The following CCDC91 variants were observed in gnomAD, a reference collection of about 807,000 sequenced individuals.
CCDC91 encodes coiled-coil domain-containing protein 91.
CCDC91 carries 48 observed loss-of-function variants against 63.2 expected under a neutral mutation model. The ratio of observed to expected loss-of-function variants is 0.76; its 90% confidence interval spans 0.60 to 0.97. CCDC91 has a LOEUF of 0.97. CCDC91 is among the 50% of genes least tolerant of loss of function. The probability of loss-of-function intolerance (pLI) is 0.00; values close to 1 mark genes in which losing one functional copy is unlikely to be tolerated. For missense variants in CCDC91, 500 were observed against 494.6 expected, an observed-to-expected ratio of 1.01 and a Z score of -0.10; for synonymous variants, 167 against 165.8, an observed-to-expected ratio of 1.01 and a Z score of -0.06.
At chr12:28,375,720 G>C (rs1944903453) in intron 7 of CCDC91, among the ~76,000 whole-genome samples, 1 of 151,872 alleles carries the variant, frequency 6.6e-6, no homozygotes, top group South Asian at 2.1e-4. Context: ...ATCGAAGATT[G>C]TTTACTGCAA....
intron 8 of CCDC91, 42 bp downstream of exon 8, chr12:28,391,453 C>G (rs995789537): frequency 1.7e-6 from 2 of 1,186,426 alleles, no homozygotes; most frequent in Admixed American, 3.4e-5. Flanking sequence ...TACTTTTCCC[C>G]TGACTCTCTC....
intron 1 of CCDC91, among the ~76,000 whole-genome samples, chr12:28,203,450 G>A (rs1484135162): frequency 6.6e-6 from 1 of 152,074 alleles, no homozygotes; most frequent in Non-Finnish European, 1.5e-5. Context: ...CCACCACTTT[G>A]CTTCATGTTT....
At chr12:28,453,371 C>G (rs11049618) in intron 11 of CCDC91, among the ~76,000 whole-genome samples, 31,096 of 151,806 alleles carry the variant, frequency 0.2, 4,177 homozygotes, top group Non-Finnish European at 0.3. Context: ...CTAACATGTT[C>G]AAACTGTTAA....
chr12:28,324,363 G>T (rs1217381401), intron 6 of CCDC91, among the ~76,000 whole-genome samples: 2 of 151,740 alleles, frequency 1.3e-5, no homozygotes, highest in Admixed American at 1.3e-4. Flanking sequence ...CAGCAAAGTG[G>T]GGAGGGGGAC....
At chr12:28,521,499 A>G (rs529405806) in intron 12 of CCDC91, among the ~76,000 whole-genome samples, 19 of 152,326 alleles carry the variant, frequency 1.2e-4, no homozygotes, top group South Asian at 4.1e-4. Flanking sequence ...TTCTAGATAT[A>G]CAATCATGTC....
chr12:28,379,160 A>G (rs139717428), intron 7 of CCDC91, among the ~76,000 whole-genome samples: 21 of 152,144 alleles, frequency 1.4e-4, no homozygotes, highest in African/African-American at 4.8e-4. Flanking sequence ...AATTCCAAAG[A>G]TAAAAGACCT....
At chr12:28,411,589 AT>A (rs1464316809) in intron 8 of CCDC91, among the ~76,000 whole-genome samples, 4 of 152,142 alleles carry the variant, frequency 2.6e-5, no homozygotes, top group Admixed American at 2.6e-4. Flanking sequence ...AGAATTTACT[AT>A]GTTTTTACTC....
intron 8 of CCDC91, among the ~76,000 whole-genome samples, chr12:28,425,000 T>A (rs1402583984): frequency 6.6e-6 from 1 of 152,196 alleles, no homozygotes; most frequent in Non-Finnish European, 1.5e-5. Context: ...CCGCTTTTTC[T>A]AGTGGCATGT....
intron 1 of CCDC91, among the ~76,000 whole-genome samples, chr12:28,213,219 T>C (rs1943353420): frequency 6.6e-6 from 1 of 152,216 alleles, no homozygotes; most frequent in Non-Finnish European, 1.5e-5. Flanking sequence ...TGGCTTTCCC[T>C]GAGGAAGTTG....
chr12:28,524,829 G>A (rs1941112114), intron 12 of CCDC91, among the ~76,000 whole-genome samples: 2 of 134,754 alleles, frequency 1.5e-5, no homozygotes, highest in Non-Finnish European at 3.3e-5. Context: ...AGATAGGAGT[G>A]TTTGTCTTTC....
chr12:28,397,802 A>G (rs1356849642), intron 8 of CCDC91, among the ~76,000 whole-genome samples: 3 of 152,166 alleles, frequency 2.0e-5, no homozygotes, highest in Admixed American at 6.5e-5. Context: ...ACCAATACAC[A>G]TAAGATAGAG....
intron 6 of CCDC91, among the ~76,000 whole-genome samples, chr12:28,350,274 G>T (rs1378716091): frequency 6.6e-6 from 1 of 151,916 alleles, no homozygotes; most frequent in Non-Finnish European, 1.5e-5. Context: ...TTAAAGATCT[G>T]GTATTATTGC....
intron 11 of CCDC91, among the ~76,000 whole-genome samples, chr12:28,480,437 A>G (rs1016479425): frequency 1.8e-4 from 28 of 152,068 alleles, no homozygotes; most frequent in African/African-American, 6.8e-4. Flanking sequence ...TCACAAATAA[A>G]TTAGAAACTC....
At chr12:28,472,682 T>A (rs1341638511) in intron 11 of CCDC91, among the ~76,000 whole-genome samples, 2 of 152,190 alleles carry the variant, frequency 1.3e-5, no homozygotes, top group Non-Finnish European at 2.9e-5. Context: ...GCTAAATATT[T>A]ATAGTAATAA....
chr12:28,197,098 C>CA (rs1941824229), intron 1 of CCDC91, among the ~76,000 whole-genome samples: 1 of 152,098 alleles, frequency 6.6e-6, no homozygotes, highest in South Asian at 2.1e-4. Flanking sequence ...GATTATCACT[C>CA]AAAGTATATA....
chr12:28,443,543 T>C (rs1274694788), intron 8 of CCDC91, among the ~76,000 whole-genome samples: 1 of 152,040 alleles, frequency 6.6e-6, no homozygotes, highest in African/African-American at 2.4e-5. Context: ...GGTAAACTTC[T>C]GTAAGGTCTA....
intron 12 of CCDC91, among the ~76,000 whole-genome samples, chr12:28,498,010 G>A (rs1952402367): frequency 6.6e-6 from 1 of 151,486 alleles, no homozygotes; most frequent in Non-Finnish European, 1.5e-5. Flanking sequence ...GCTTAGCCAT[G>A]GAACTAAACA....
At chr12:28,506,642 T>C (rs959741859) in intron 12 of CCDC91, among the ~76,000 whole-genome samples, 1 of 151,978 alleles carries the variant, frequency 6.6e-6, no homozygotes, top group African/African-American at 2.4e-5. Flanking sequence ...CATTTAATGC[T>C]TATAACAGGG....
At chr12:28,284,388 C>G (rs577467414) in intron 3 of CCDC91, among the ~76,000 whole-genome samples, 1 of 152,126 alleles carries the variant, frequency 6.6e-6, no homozygotes, top group Non-Finnish European at 1.5e-5. Context: ...CATAGTGGCT[C>G]ATGCCTGTAA....
Sources: allele counts gnomAD v4.1 joint callset (sites outside exome capture counted in the v4.1 genomes callset), GRCh38; gene constraint gnomAD v4.1.1; transcripts MANE v1.5; gene names NCBI Gene and HGNC (gene_info 2026-07-23, HGNC 2026-07-21).